ABCC2: variants seen among roughly 807,000 people sequenced by gnomAD.
ABCC2 encodes ATP binding cassette subfamily C member 2.
ABCC2 carries 157 observed loss-of-function variants against 173.4 expected under a neutral mutation model. That is an observed-to-expected ratio of 0.91 (90% CI 0.80 to 1.03). ABCC2 has a LOEUF of 1.03. Among genes scored for constraint, ABCC2 ranks in the 50% least tolerant of loss-of-function variants. The probability of loss-of-function intolerance (pLI) is 0.00; values close to 1 mark genes in which losing one functional copy is unlikely to be tolerated. For missense variants in ABCC2, 1,822 were observed against 1,852.3 expected (o/e 0.98, Z 0.30); for synonymous variants, 657 against 693.5 (o/e 0.95, Z 0.83).
intron 6 of ABCC2, among the ~76,000 whole-genome samples, chr10:99,795,295 G>C (rs2037879990): frequency 6.6e-6 from 1 of 152,182 alleles, no homozygotes; most frequent in Non-Finnish European, 1.5e-5. Context: ...GTGTGATTTA[G>C]TAATACAAGT....
At chr10:99,807,361 T>C in intron 11 of ABCC2, 23 bp from the exon 12 acceptor site, 3 of 1,614,076 alleles carry the variant, frequency 1.9e-6, no homozygotes, top group Non-Finnish European at 2.5e-6. Context: ...TCATGTGAGC[T>C]GTATTTTTTT....
chr10:99,804,295 A>G, intron 10 of ABCC2, 22 bp downstream of exon 10: 1 of 1,613,924 alleles, frequency 6.2e-7, no homozygotes, highest in Admixed American at 1.7e-5. Flanking sequence ...GTCACCCAGA[A>G]GAATATAAGC....
intron 10 of ABCC2, 45 bp downstream of exon 10, chr10:99,804,318 G>A: frequency 6.2e-7 from 1 of 1,612,042 alleles, no homozygotes; most frequent in Non-Finnish European, 8.5e-7. Flanking sequence ...TCTTTAAAGT[G>A]TAAACCCTTT....
chr10:99,831,539 T>G, intron 21 of ABCC2, 72 bp from the exon 22 acceptor site: 2 of 1,462,224 alleles, frequency 1.4e-6, no homozygotes, highest in Admixed American at 3.3e-5. Flanking sequence ...CTCCTTGTGG[T>G]TGGCATTCTA....
At chr10:99,808,049 A>G in intron 12 of ABCC2, 34 bp from the exon 13 acceptor site, 1 of 1,612,476 alleles carries the variant, frequency 6.2e-7, no homozygotes, top group Non-Finnish European at 8.5e-7. Context: ...GGTCCCTTTT[A>G]GGAATAAATT....
intron 2 of ABCC2, among the ~76,000 whole-genome samples, chr10:99,788,380 A>C (rs2037755451): frequency 6.6e-6 from 1 of 152,104 alleles, no homozygotes; most frequent in African/African-American, 2.4e-5. Context: ...GGTTACTGAA[A>C]CCTCTTTGAT....
chr10:99,795,761 AAG>A (rs2037895596), intron 6 of ABCC2, among the ~76,000 whole-genome samples: 1 of 147,230 alleles, frequency 6.8e-6, no homozygotes, highest in Non-Finnish European at 1.5e-5. Flanking sequence ...GAAAGAAAGA[AAG>A]AAAGAAAGAA....
intron 31 of ABCC2, among the ~76,000 whole-genome samples, chr10:99,851,240 T>A (rs1187732096): frequency 6.6e-6 from 1 of 152,248 alleles, no homozygotes; most frequent in African/African-American, 2.4e-5. Flanking sequence ...TGTAAACCAA[T>A]CTATCCTTAA....
chr10:99,817,958 T>C (rs1241537353), intron 17 of ABCC2, among the ~76,000 whole-genome samples: 1 of 152,202 alleles, frequency 6.6e-6, no homozygotes, highest in Non-Finnish European at 1.5e-5. Flanking sequence ...GCACAGTGGC[T>C]CACGCCTATA....
At chr10:99,813,902 A>C (rs991180131) in intron 16 of ABCC2, among the ~76,000 whole-genome samples, 2 of 152,078 alleles carry the variant, frequency 1.3e-5, no homozygotes, top group Admixed American at 6.6e-5. Flanking sequence ...TAATATCAAG[A>C]GCAATAAAAA....
intron 11 of ABCC2, among the ~76,000 whole-genome samples, chr10:99,806,887 C>A (rs549842790): frequency 1.1e-4 from 16 of 152,254 alleles, no homozygotes; most frequent in Admixed American, 3.3e-4. Flanking sequence ...ATTCTCCACA[C>A]AGAGCTCTGA....
At chr10:99,802,797 T>C (rs2038034191) in intron 9 of ABCC2, among the ~76,000 whole-genome samples, 1 of 152,140 alleles carries the variant, frequency 6.6e-6, no homozygotes, top group South Asian at 2.1e-4. Flanking sequence ...GGTGGCATAG[T>C]GCAAGTTGGT....
At chr10:99,802,755 G>A (rs2038033674) in intron 9 of ABCC2, among the ~76,000 whole-genome samples, 1 of 152,116 alleles carries the variant, frequency 6.6e-6, no homozygotes, top group African/African-American at 2.4e-5. Context: ...TCCTTCTTCT[G>A]GAAAGATGCA....
intron 1 of ABCC2, among the ~76,000 whole-genome samples, chr10:99,783,758 G>A (rs1247496288): frequency 6.6e-6 from 1 of 152,110 alleles, no homozygotes; most frequent in Admixed American, 6.5e-5. Flanking sequence ...CAAGACCCTC[G>A]AGGCCAGGAG....
At position 99,800,429 on chromosome 10, in the gene ABCC2, A is replaced by G. The variant is rs1359243326; in HGVS notation, c.1075A>G (p.Ile359Val). 4.3e-6 allele frequency: 7 copies of G among 1,614,152 alleles called. No individual in the cohort carries two copies. The highest frequency in any genetic ancestry group is 5.9e-6 in the Non-Finnish European group (7 of 1,180,024). The part of the protein sequence containing the change: ...FASDRDTYLW[I>V]GYLCAILLFT... ...AAGTGACCGTGACACATATTTGTGG[A>G]TTGGATATCTCTGTGCAATCCTCTT... Residue 359 changes from isoleucine to valine, a missense_variant, in exon 9 of 32, where the codon ATT (isoleucine) becomes GTT (valine). By Grantham distance (29) the Ile-to-Val change is conservative. Coordinates refer to ENST00000647814, the MANE Select transcript of ABCC2 (RefSeq NM_000392.5).
chr10:99,837,096 T>A (rs1355048443), intron 25 of ABCC2, among the ~76,000 whole-genome samples: 8 of 151,816 alleles, frequency 5.3e-5, no homozygotes, highest in African/African-American at 1.9e-4. Flanking sequence ...ATGCTGGAAT[T>A]ATTGGTGCAG....
intron 16 of ABCC2, among the ~76,000 whole-genome samples, chr10:99,814,464 C>CAATGTGTGTATAT (rs2038326409): frequency 3.1e-5 from 2 of 64,170 alleles, no homozygotes; most frequent in South Asian, 4.7e-4. Flanking sequence ...TATACATACA[C>CAATGTGTGTATAT]ACATATGTGT....
rs114297770 is a variant in ABCC2 at position 99,814,511 on chromosome 10, G to A, written c.2094+1367G>A. On this transcript the variant is annotated intron_variant, in intron 16 of 31. Coordinates refer to ENST00000647814, the MANE Select transcript of ABCC2 (RefSeq NM_000392.5). ...CACACAAACATATATGTGTGTGTAT[G>A]TGTATATATACATATATATACACAT... is the stretch of plus-strand genomic sequence containing the variant. 2.3e-3 allele frequency among the ~76,000 whole-genome samples: 178 copies of A among 77,752 alleles called. 11 individuals are homozygous for A. The highest frequency in any genetic ancestry group is 8.9e-3 in the African/African-American group (171 of 19,126). The allele number at this position is 77,752 out of a possible 152,430, so 51.0% of individuals were successfully genotyped here. A position where few individuals can be genotyped will look rare whatever the true frequency, so the allele number is the denominator to read the frequency against.
chr10:99,845,387 T>C (rs1408160638), intron 28 of ABCC2, among the ~76,000 whole-genome samples: 1 of 152,190 alleles, frequency 6.6e-6, no homozygotes, highest in Non-Finnish European at 1.5e-5. Context: ...TAACAACAGC[T>C]GCCAAGAGAG....
Sources: allele counts gnomAD v4.1 joint callset (sites outside exome capture counted in the v4.1 genomes callset), GRCh38; gene constraint gnomAD v4.1.1; transcripts MANE v1.5; gene names NCBI Gene and HGNC (gene_info 2026-07-23, HGNC 2026-07-21).